The following PPP2R2C variants were observed in gnomAD, a reference collection of about 807,000 sequenced individuals.
PPP2R2C encodes the protein protein phosphatase 2, regulatory subunit B, gamma.
Under a neutral mutation model 45.3 loss-of-function variants are expected in PPP2R2C, and 10 were observed. The observed-to-expected ratio is 0.22, with a 90% CI of 0.14 to 0.37. The LOEUF (loss-of-function observed/expected upper bound fraction) is 0.37. Among genes scored for constraint, PPP2R2C ranks in the 10% least tolerant of loss-of-function variants. The pLI is 1.00. For missense variants in PPP2R2C, 308 were observed against 619.7 expected (o/e 0.50, Z 5.34); for synonymous variants, 257 against 245.4 (o/e 1.05, Z -0.44).
At chr4:6,450,590 G>A (rs896491808) in intron 1 of PPP2R2C, among the ~76,000 whole-genome samples, 19 of 152,134 alleles carry the variant, frequency 1.2e-4, no homozygotes, top group African/African-American at 4.6e-4. Context: ...CCTAAGGAAC[G>A]CCAGGAGAGA....
At chr4:6,337,699 T>C (rs532455871) in intron 6 of PPP2R2C, among the ~76,000 whole-genome samples, 9 of 152,152 alleles carry the variant, frequency 5.9e-5, no homozygotes, top group Admixed American at 4.6e-4. Flanking sequence ...TGGCCAAGTA[T>C]CCTACCAGCC....
chr4:6,403,313 C>G (rs987946408), intron 1 of PPP2R2C, among the ~76,000 whole-genome samples: 1 of 152,186 alleles, frequency 6.6e-6, no homozygotes, highest in Non-Finnish European at 1.5e-5. Context: ...GGAGCGGAGC[C>G]CCTTAGAAAC....
rs773902650 is a variant in PPP2R2C, at chr4:6,345,485, T to C, written c.790+2361A>G. Among the ~76,000 whole-genome samples, 2 of 152,042 alleles carry C rather than the reference T, an allele frequency of 1.3e-5. No individual in the cohort carries two copies. The highest frequency in any genetic ancestry group is 2.4e-5 in the African/African-American group (1 of 41,376). On this transcript the variant is annotated intron_variant, in intron 6 of 8. Transcript: ENST00000382599. This position sits in a 1 kb window ranked among gnomAD's most constrained non-coding sequence, Gnocchi z 5.3. ...AGATGAGGAAGTCATCCTGGATCAT[T>C]AGGGGTGGCAGGAACAAGGCGATCA...
At chr4:6,477,650 C>T (rs1201397124) in intron 2 of PPP2R2C, among the ~76,000 whole-genome samples, 4 of 142,750 alleles carry the variant, frequency 2.8e-5, no homozygotes, top group African/African-American at 5.2e-5. Context: ...GGTGTGAACC[C>T]GGGAGGCGGA....
At position 6,324,013 on chromosome 4, in the gene PPP2R2C, C is replaced by T. The variant is rs960669638; in HGVS notation, c.1053-420G>A. On this transcript the variant is annotated intron_variant, in intron 8 of 8. Transcript: ENST00000382599. This position sits in a 1 kb window ranked among gnomAD's most constrained non-coding sequence, Gnocchi z 4.1. ...CATCACTCCCTGGAAAGGGAAACCA[C>T]ACCTGCCTCTATTCCCCTGTATCTT... Among the ~76,000 whole-genome samples the T allele has an allele frequency of 6.6e-6, 1 of 152,218 alleles. No homozygotes were observed. Among genetic ancestry groups the T allele is most frequent in the Non-Finnish European group, 1.5e-5 (1 of 68,040 alleles).
intron 1 of PPP2R2C, among the ~76,000 whole-genome samples, chr4:6,547,456 TG>T (rs139696988): frequency 0.093 from 14,093 of 152,092 alleles, 830 homozygotes; most frequent in Non-Finnish European, 0.13. Context: ...CCAGTACCCG[TG>T]GGAACACTGG....
chr4:6,513,069 C>G (rs1723720876), intron 2 of PPP2R2C, among the ~76,000 whole-genome samples: 1 of 152,104 alleles, frequency 6.6e-6, no homozygotes, highest in Non-Finnish European at 1.5e-5. Flanking sequence ...TTTTTAAAGA[C>G]TTGCTGCAGC....
chr4:6,417,931 C>T (rs563911579), intron 1 of PPP2R2C, among the ~76,000 whole-genome samples: 1 of 152,246 alleles, frequency 6.6e-6, no homozygotes, highest in East Asian at 1.9e-4. Flanking sequence ...CGGAGACTCC[C>T]CTTAGCTCTG....
chr4:6,496,710 A>C (rs1722890103), intron 2 of PPP2R2C, among the ~76,000 whole-genome samples: 1 of 151,962 alleles, frequency 6.6e-6, no homozygotes, highest in African/African-American at 2.4e-5. Flanking sequence ...AAATACAAAA[A>C]ATTAGCCAGG....
In PPP2R2C at chr4:6,328,783, G is replaced by A. The variant is rs375320524; in HGVS notation, c.1052+479C>T. 5.3e-5 allele frequency among the ~76,000 whole-genome samples: 8 copies of A among 152,180 alleles called. No individual in the cohort carries two copies. Among genetic ancestry groups the A allele is most frequent in the Non-Finnish European group, 8.8e-5 (6 of 68,030 alleles). On this transcript the variant is annotated intron_variant, in intron 8 of 8. Transcript: ENST00000382599. This position sits in a 1 kb window ranked among gnomAD's most constrained non-coding sequence, Gnocchi z 4.4. The stretch of plus-strand genomic sequence containing the variant: ...CTCCAAGGTGCCCCTGAGCCTCAGC[G>A]GGCCCGAGTGGGGTGTCACCAGGAA...
At chr4:6,343,487 TA>T (rs1711533288) in intron 6 of PPP2R2C, among the ~76,000 whole-genome samples, 1 of 152,172 alleles carries the variant, frequency 6.6e-6, no homozygotes. Flanking sequence ...CTCATGCCTA[TA>T]ATCCCAGCAC....
Position 6,345,996 on chromosome 4 carries a change from C to G in PPP2R2C, c.790+1850G>C, listed in dbSNP as rs115497651. Among the ~76,000 whole-genome samples, 2,554 of 152,288 alleles carry G rather than the reference C, an allele frequency of 0.017. 72 individuals are homozygous for G. Among genetic ancestry groups the G allele is most frequent in the African/African-American group, 0.057 (2,368 of 41,544 alleles). ...CCTGCCTGCTGGTCCCTGGCACCCC[C>G]TGTTGTTCCAGGCCACGGCCCCACC... On this transcript the variant is annotated intron_variant, in intron 6 of 8. Transcript: ENST00000382599. The surrounding 1 kb of genome is among the most constrained non-coding windows in gnomAD (Gnocchi z 5.3).
At chr4:6,554,880 GAA>G (rs1164613837) in intron 1 of PPP2R2C, among the ~76,000 whole-genome samples, 1 of 79,234 alleles carries the variant, frequency 1.3e-5, no homozygotes, top group African/African-American at 4.9e-5. Context: ...AAAAGAAAAA[GAA>G]AAAGAAAGGA....
intron 2 of PPP2R2C, among the ~76,000 whole-genome samples, chr4:6,483,448 C>A (rs1171695356): frequency 6.6e-6 from 1 of 152,054 alleles, no homozygotes; most frequent in Non-Finnish European, 1.5e-5. Flanking sequence ...GTATAGTCAG[C>A]CTTTTTAATG....
chr4:6,418,263 G>T (rs1267319549), intron 1 of PPP2R2C, among the ~76,000 whole-genome samples: 1 of 152,086 alleles, frequency 6.6e-6, no homozygotes, highest in African/African-American at 2.4e-5. Context: ...TGTTGCCCAG[G>T]TGCCCTGGGC....
At chr4:6,339,051 C>T (rs1733232609) in intron 6 of PPP2R2C, among the ~76,000 whole-genome samples, 1 of 152,238 alleles carries the variant, frequency 6.6e-6, no homozygotes, top group Non-Finnish European at 1.5e-5. Context: ...CCCTGAGATC[C>T]CTTTCCCATT....
chr4:6,543,931 C>A (rs114157112), intron 1 of PPP2R2C, among the ~76,000 whole-genome samples: 1 of 152,206 alleles, frequency 6.6e-6, no homozygotes, highest in Non-Finnish European at 1.5e-5. Flanking sequence ...CTCTGACTTT[C>A]GGCCCCCGAG....
rs1714522737 is a variant in PPP2R2C at position 6,368,447 on chromosome 4, C to G, written c.625+4076G>C. ...CTAGTTCCAGCATCACCCAAGAGGG[C>G]TGGCACACAGTAGGTGCTTAATAAA... On this transcript the variant is annotated intron_variant, in intron 5 of 8. Coordinates refer to ENST00000382599, the MANE Select transcript of PPP2R2C (RefSeq NM_020416.4). This position sits in a 1 kb window ranked among gnomAD's most constrained non-coding sequence, Gnocchi z 4.2. Among the ~76,000 whole-genome samples the G allele has an allele frequency of 6.6e-6, 1 of 152,180 alleles. No homozygotes were observed. Among genetic ancestry groups the G allele is most frequent in the African/African-American group, 2.4e-5 (1 of 41,448 alleles).
Position 6,347,853 on chromosome 4 carries a change from A to G in PPP2R2C, c.783T>C (p.His261=), listed in dbSNP as rs912479280. The G allele has an allele frequency of 2.8e-5, 44 of 1,580,648 alleles. No homozygotes were observed. The highest frequency in any genetic ancestry group is 3.3e-5 in the Non-Finnish European group (38 of 1,162,002). ...CCAGGCACCGGCACTTACGCTTGGA[A>G]TGCTTGTCACACAGGGCAGCTGCCC... ...DMRAAALCDK[H]SKLFEEPEDP... The change falls in exon 6 of 9, where the codon CAT becomes CAC. Residue 261 remains histidine, a synonymous_variant. Coordinates refer to ENST00000382599, the MANE Select transcript of PPP2R2C (RefSeq NM_020416.4).
Sources: allele counts gnomAD v4.1 joint callset (sites outside exome capture counted in the v4.1 genomes callset), GRCh38; gene constraint gnomAD v4.1.1; non-coding constraint Gnocchi (gnomAD v3.1); transcripts MANE v1.5; gene names NCBI Gene and HGNC (gene_info 2026-07-23, HGNC 2026-07-21).